The following NPSR1 variants were observed in gnomAD, a reference collection of about 807,000 sequenced individuals.
The protein encoded by NPSR1 is neuropeptide S receptor.
NPSR1 carries 48 observed loss-of-function variants against 46.9 expected under a neutral mutation model. The observed-to-expected ratio is 1.02, with a 90% CI of 0.81 to 1.30. NPSR1 has a LOEUF of 1.30. Ranked by LOEUF, NPSR1 falls within the 50% of genes most tolerant of loss-of-function variation. The pLI is 0.00. For synonymous variants in NPSR1, 176 were observed against 168.1 expected (o/e 1.05, Z -0.36); for missense variants, 450 against 449.5 (o/e 1.00, Z -0.01).
intron 1 of NPSR1, chr7:34,660,048 T>G: frequency 2.2e-6 from 1 of 455,236 alleles, no homozygotes; most frequent in South Asian, 1.6e-5. Flanking sequence ...ATATAGCACC[T>G]ACAGGGATAT....
Position 34,827,545 on chromosome 7 carries a change from C to G in NPSR1, c.623C>G (p.Thr208Ser). Reference protein sequence around the residue: ...WALWPDDSYWTPYMTIVAFLV... With the variant: ...WALWPDDSYWSPYMTIVAFLV... ...CTGTGGCCTGACGACTCCTACTGGA[C>G]CCCATACATGACCATCGTGGCCTTC... Residue 208 changes from threonine to serine, a missense_variant, in exon 5 of 9, where the codon ACC (threonine) becomes AGC (serine). Thr to Ser is a moderately conservative substitution (Grantham distance 58). Transcript: ENST00000360581. 1.2e-6 allele frequency: 2 copies of G among 1,613,784 alleles called. No individual in the cohort carries two copies. The highest frequency in any genetic ancestry group is 1.7e-6 in the Non-Finnish European group (2 of 1,179,908).
intron 2 of NPSR1, among the ~76,000 whole-genome samples, chr7:34,748,838 T>C (rs1002454532): frequency 2.0e-5 from 3 of 152,098 alleles, no homozygotes; most frequent in East Asian, 1.9e-4. Context: ...TAGACACTTA[T>C]GTCTGGGAGG....
intron 2 of NPSR1, among the ~76,000 whole-genome samples, chr7:34,714,684 G>A (rs971197569): frequency 2.3e-4 from 35 of 152,242 alleles, no homozygotes; most frequent in Admixed American, 7.2e-4. Context: ...CCTAGTGGGG[G>A]TCTACAGGTT....
intron 1 of NPSR1, among the ~76,000 whole-genome samples, chr7:34,661,852 A>G (rs1488869767): frequency 6.6e-6 from 1 of 152,204 alleles, no homozygotes; most frequent in Non-Finnish European, 1.5e-5. Context: ...GCACTAAGGA[A>G]TTATATGCGT....
In NPSR1 at chr7:34,743,085, C is replaced by G. The variant is rs1554319099; in HGVS notation, c.281-35377C>G. 2.6e-5 allele frequency among the ~76,000 whole-genome samples: 4 copies of G among 152,098 alleles called. 1 individual carries two copies. The South Asian group carries it at 8.3e-4, about 32-fold the overall frequency. On this transcript the variant is annotated intron_variant, in intron 2 of 8. Coordinates refer to ENST00000360581, the MANE Select transcript of NPSR1 (RefSeq NM_207172.2). ...CAAATGAGAGTTTGAAATATTTTCT[C>G]CTATTCTGTAGGGTGTCTTTTTACT...
chr7:34,778,880 G>T (rs1417231182), intron 3 of NPSR1, among the ~76,000 whole-genome samples: 2 of 152,088 alleles, frequency 1.3e-5, no homozygotes, highest in Non-Finnish European at 2.9e-5. Context: ...CAAAAAGTTT[G>T]TTAATTATAT....
chr7:34,726,624 G>A (rs1784165974), intron 2 of NPSR1, among the ~76,000 whole-genome samples: 1 of 152,082 alleles, frequency 6.6e-6, no homozygotes, highest in Admixed American at 6.6e-5. Context: ...GTCCTCAGTA[G>A]ATGAATGGAA....
At chr7:34,829,209 C>T (rs944169423) in intron 5 of NPSR1, among the ~76,000 whole-genome samples, 6 of 151,912 alleles carry the variant, frequency 3.9e-5, no homozygotes, top group South Asian at 2.1e-4. Flanking sequence ...GCCTTGCCCC[C>T]GCCCCCTCAT....
At chr7:34,765,449 T>G (rs1434757875) in intron 2 of NPSR1, among the ~76,000 whole-genome samples, 1 of 152,182 alleles carries the variant, frequency 6.6e-6, no homozygotes, top group Non-Finnish European at 1.5e-5. Flanking sequence ...CCTTTAAAAG[T>G]GTTCAACAGT....
intron 8 of NPSR1, among the ~76,000 whole-genome samples, chr7:34,867,087 A>G (rs1324089535): frequency 6.6e-6 from 1 of 151,654 alleles, no homozygotes; most frequent in African/African-American, 2.4e-5. Context: ...GGCTCTGAGC[A>G]CAAGTACCCA....
chr7:34,832,931 C>A (rs1462299816), intron 5 of NPSR1, among the ~76,000 whole-genome samples: 2 of 152,106 alleles, frequency 1.3e-5, no homozygotes, highest in African/African-American at 4.8e-5. Context: ...ACATTTTTCT[C>A]ATTTTTTCTT....
At chr7:34,777,406 T>C (rs1434148039) in intron 2 of NPSR1, among the ~76,000 whole-genome samples, 2 of 151,974 alleles carry the variant, frequency 1.3e-5, no homozygotes, top group Non-Finnish European at 2.9e-5. Flanking sequence ...TTTTCTCCCC[T>C]GGCACCTAGG....
At chr7:34,792,672 TATGTATATATATATATGTATATATATAC>T (rs2128744401) in intron 3 of NPSR1, among the ~76,000 whole-genome samples, 2 of 121,200 alleles carry the variant, frequency 1.7e-5, no homozygotes, top group Non-Finnish European at 1.7e-5. Context: ...TATTTATATA[TATGTATATATATATATGTATATATATAC>T]GTATATATAT....
At chr7:34,674,111 G>A (rs1464649960) in intron 1 of NPSR1, among the ~76,000 whole-genome samples, 2 of 152,176 alleles carry the variant, frequency 1.3e-5, no homozygotes, top group Non-Finnish European at 2.9e-5. Context: ...CCCAGTCCTA[G>A]CTTCAGGCCT....
intron 2 of NPSR1, among the ~76,000 whole-genome samples, chr7:34,765,137 T>C (rs1786370146): frequency 6.6e-6 from 1 of 152,172 alleles, no homozygotes; most frequent in Admixed American, 6.5e-5. Flanking sequence ...CCTAAGCAGA[T>C]TGATTTAATA....
intron 2 of NPSR1, among the ~76,000 whole-genome samples, chr7:34,720,963 T>G (rs546056284): frequency 9.2e-5 from 14 of 152,092 alleles, no homozygotes; most frequent in African/African-American, 3.4e-4. Context: ...TCTGGAAGGC[T>G]CAAAAGAAAA....
chr7:34,662,653 A>G (rs2530558), intron 1 of NPSR1, among the ~76,000 whole-genome samples: 45,154 of 152,034 alleles, frequency 0.3, 8,223 homozygotes, highest in African/African-American at 0.52. Flanking sequence ...GCTCCTAAGG[A>G]AATTACTACC....
intron 3 of NPSR1, among the ~76,000 whole-genome samples, chr7:34,803,513 A>G (rs1313535035): frequency 6.6e-6 from 1 of 151,942 alleles, no homozygotes; most frequent in Non-Finnish European, 1.5e-5. Context: ...TGGGAATTGG[A>G]CAATGAGAAC....
chr7:34,676,012 G>A (rs1170677915), intron 1 of NPSR1, among the ~76,000 whole-genome samples: 2 of 152,176 alleles, frequency 1.3e-5, no homozygotes, highest in Non-Finnish European at 2.9e-5. Flanking sequence ...GACACCATCA[G>A]CACAGTGTGG....
Sources: allele counts gnomAD v4.1 joint callset (sites outside exome capture counted in the v4.1 genomes callset), GRCh38; gene constraint gnomAD v4.1.1; transcripts MANE v1.5; gene names NCBI Gene and HGNC (gene_info 2026-07-23, HGNC 2026-07-21).